Variants in TAOK1 observed in about 807,000 individuals in gnomAD.
TAOK1 encodes the protein serine/threonine-protein kinase TAO1.
In TAOK1, 21 loss-of-function variants were observed where a neutral mutation model predicts 138.3. The observed-to-expected ratio is 0.15, with a 90% CI of 0.11 to 0.22. The LOEUF is 0.22. Ranked by LOEUF, TAOK1 falls within the 10% of genes least tolerant of loss-of-function variation. The pLI is 1.00. For synonymous variants in TAOK1, 361 were observed against 398.4 expected, an observed-to-expected ratio of 0.91 and a Z score of 1.12; for missense variants, 651 against 1,227.7, an observed-to-expected ratio of 0.53 and a Z score of 7.02.
chr17:29,539,015 G>A (rs749235794), intron 19 of TAOK1, among the ~76,000 whole-genome samples: 19 of 152,094 alleles, frequency 1.2e-4, no homozygotes, highest in Admixed American at 1.0e-3. Context: ...CCAGCACTTC[G>A]GAAGGCCGAG....
At chr17:29,507,643 A>G (rs971064926) in intron 13 of TAOK1, among the ~76,000 whole-genome samples, 5 of 152,174 alleles carry the variant, frequency 3.3e-5, no homozygotes, top group African/African-American at 9.7e-5. Context: ...CTTGATTACT[A>G]TAGTGCTGCA....
chr17:29,503,007 G>A (rs1022131977), intron 13 of TAOK1, among the ~76,000 whole-genome samples: 1 of 152,098 alleles, frequency 6.6e-6, no homozygotes. Flanking sequence ...TTTTGATTAG[G>A]AGCATAAATG....
At chr17:29,432,626 G>A (rs987572318) in intron 1 of TAOK1, among the ~76,000 whole-genome samples, 6 of 152,014 alleles carry the variant, frequency 3.9e-5, no homozygotes, top group Non-Finnish European at 7.4e-5. Context: ...CACTGTGCCC[G>A]GCCTGCCTGG....
intron 1 of TAOK1, among the ~76,000 whole-genome samples, chr17:29,397,332 C>T (rs746117668): frequency 5.7e-5 from 8 of 140,416 alleles, no homozygotes; most frequent in East Asian, 2.1e-4. Context: ...GGCTGGGTGC[C>T]GTGGCTCACG....
At chr17:29,429,274 T>C (rs1905750596) in intron 1 of TAOK1, among the ~76,000 whole-genome samples, 1 of 152,118 alleles carries the variant, frequency 6.6e-6, no homozygotes, top group Non-Finnish European at 1.5e-5. Context: ...ATACCTTTCA[T>C]CTACTTTCCT....
intron 17 of TAOK1, among the ~76,000 whole-genome samples, chr17:29,529,424 TAAC>T (rs1264575524): frequency 1.3e-5 from 2 of 151,946 alleles, no homozygotes; most frequent in Admixed American, 1.3e-4. Context: ...ACTCCATCAC[TAAC>T]AACAACAACA....
At position 29,542,714 on chromosome 17, in the gene TAOK1, T is replaced by C. The variant is rs1227582397; in HGVS notation, c.2698T>C (p.Phe900Leu). ...CCTTTCTAATCTCTCCCCTGAGGCA[T>C]TCAGCCACAGCTACCCGGGAGCTTC... ...MVLSNLSPEAFSHSYPGASGW... is the reference protein window; with the variant it reads ...MVLSNLSPEALSHSYPGASGW... The change falls in exon 20 of 20, where the codon TTC becomes CTC. Residue 900 changes from phenylalanine to leucine, a missense_variant. By Grantham distance (22) the Phe-to-Leu change is conservative. Around this residue, in one of 8 missense-constraint regions of TAOK1, gnomAD observed 258 missense variants for 548.9 expected, o/e 0.47. Coordinates refer to ENST00000261716, the MANE Select transcript of TAOK1 (RefSeq NM_020791.4). The C allele has an allele frequency of 1.2e-6, 2 of 1,614,096 alleles. No homozygotes were observed. The highest frequency in any genetic ancestry group is 2.7e-5 in the African/African-American group (2 of 74,946).
intron 16 of TAOK1, among the ~76,000 whole-genome samples, chr17:29,521,286 C>T (rs796879590): frequency 1.3e-5 from 2 of 152,128 alleles, no homozygotes; most frequent in Non-Finnish European, 2.9e-5. Context: ...TATGTGTTTA[C>T]TTGTTTCCAA....
At chr17:29,398,319 G>A (rs1904726713) in intron 1 of TAOK1, among the ~76,000 whole-genome samples, 2 of 150,710 alleles carry the variant, frequency 1.3e-5, no homozygotes, top group East Asian at 3.9e-4. Context: ...CGATTCTCCT[G>A]CCTCAGCCTC....
At chr17:29,534,341 CTTT>C in intron 19 of TAOK1, 41 bp downstream of exon 19, 1 of 1,452,090 alleles carries the variant, frequency 6.9e-7, no homozygotes, top group East Asian at 2.5e-5. Flanking sequence ...TTCGAATTAG[CTTT>C]TGTCAGAAGC....
intron 2 of TAOK1, among the ~76,000 whole-genome samples, chr17:29,452,799 A>G (rs2030271173): frequency 1.3e-5 from 2 of 152,232 alleles, no homozygotes; most frequent in South Asian, 4.1e-4. Flanking sequence ...TCCATATTGC[A>G]GTATCTGTGA....
intron 19 of TAOK1, among the ~76,000 whole-genome samples, chr17:29,541,688 A>ATCGC (rs915171733): frequency 3.3e-5 from 5 of 150,860 alleles, no homozygotes; most frequent in Admixed American, 3.3e-4. Context: ...AGGCTAGAGA[A>ATCGC]TCGCTTGAAC....
intron 3 of TAOK1, among the ~76,000 whole-genome samples, chr17:29,471,619 C>G (rs952159135): frequency 5.3e-5 from 8 of 152,062 alleles, no homozygotes; most frequent in African/African-American, 1.7e-4. Context: ...ATAATTTGAG[C>G]CTTCAGCATG....
At chr17:29,537,239 C>A (rs749247890) in intron 19 of TAOK1, among the ~76,000 whole-genome samples, 21 of 152,122 alleles carry the variant, frequency 1.4e-4, no homozygotes, top group Non-Finnish European at 2.6e-4. Flanking sequence ...AATACAAAGC[C>A]ATTACAATGC....
intron 10 of TAOK1, among the ~76,000 whole-genome samples, chr17:29,492,719 G>A (rs1294714727): frequency 6.6e-6 from 1 of 152,198 alleles, no homozygotes; most frequent in Non-Finnish European, 1.5e-5. Context: ...TTGAACCTGG[G>A]AGGCGGAGGT....
chr17:29,463,135 C>A (rs868549533), intron 2 of TAOK1, among the ~76,000 whole-genome samples: 1 of 151,986 alleles, frequency 6.6e-6, no homozygotes, highest in African/African-American at 2.4e-5. Context: ...TTTCCATATT[C>A]TTTATGCTAT....
chr17:29,450,060 T>C (rs1008548111), intron 1 of TAOK1, among the ~76,000 whole-genome samples: 2 of 152,078 alleles, frequency 1.3e-5, no homozygotes, highest in African/African-American at 4.8e-5. Context: ...TTCTTTCCTT[T>C]CCTTTTTATT....
intron 1 of TAOK1, among the ~76,000 whole-genome samples, chr17:29,418,930 C>CTTTTTTTTTTTTTTTTTT (rs35692060): frequency 9.5e-6 from 1 of 105,500 alleles, no homozygotes; most frequent in African/African-American, 4.3e-5. Context: ...GGGTGCTTTG[C>CTTTTTTTTTTTTTTTTTT]TTTTTTTTTT....
At chr17:29,441,210 T>C (rs1447539377) in intron 1 of TAOK1, among the ~76,000 whole-genome samples, 2 of 152,208 alleles carry the variant, frequency 1.3e-5, no homozygotes, top group African/African-American at 4.8e-5. Flanking sequence ...AGTTAATTCT[T>C]ATTTAAATAT....
Sources: gnomAD v4.1 joint callset for allele counts (sites outside exome capture counted in the v4.1 genomes callset) on GRCh38, gnomAD v4.1.1 for gene constraint, gnomAD v4.1.1 regional missense constraint, MANE v1.5 for transcripts, NCBI Gene and HGNC (gene_info 2026-07-23, HGNC 2026-07-21) for gene names.